The following LTBP3 variants were observed in gnomAD, a reference collection of about 807,000 sequenced individuals.
LTBP3 encodes latent-transforming growth factor beta-binding protein 3.
LTBP3 carries 97 observed loss-of-function variants against 159.7 expected under a neutral mutation model. That is an observed-to-expected ratio of 0.61 (90% CI 0.52 to 0.72). The LOEUF is 0.72. LTBP3 is among the 30% of genes least tolerant of loss of function. LTBP3 has a pLI of 0.00. For missense variants in LTBP3, 1,584 were observed against 1,864.3 expected (o/e 0.85, Z 2.77); for synonymous variants, 824 against 777.1 (o/e 1.06, Z -1.00).
chr11:65,546,515 C>T lies in LTBP3; in HGVS notation c.2280G>A (p.Glu760=). 2 of 1,600,954 alleles carry T rather than the reference C, an allele frequency of 1.2e-6. No individual in the cohort carries two copies. Among genetic ancestry groups the T allele is most frequent in the Non-Finnish European group, 1.7e-6 (2 of 1,179,294 alleles). Residue 760 remains glutamate, a synonymous_variant, in exon 16 of 28, where the codon GAG becomes GAA. Transcript: ENST00000301873. This position sits in a 1 kb window ranked among gnomAD's most constrained non-coding sequence, Gnocchi z 4.0. ...TGCAGCGGAAGGAGCCCGGGAGGTT[C>T]TCGCACCAGCCAGGCGAGCAGGGGC... is the stretch of plus-strand genomic sequence containing the variant. The part of the protein sequence containing the change: ...EGSPCSPGWC[E]NLPGSFRCTC...
chr11:65,553,857 G>T lies in LTBP3; in HGVS notation c.708C>A (p.Pro236=), dbSNP rs373043487. Residue 236 remains proline, a synonymous_variant, in exon 3 of 28, where the codon CCC becomes CCA. Transcript: ENST00000301873. The surrounding 1 kb of genome is among the most constrained non-coding windows in gnomAD (Gnocchi z 6.5). The part of the protein sequence containing the change: ...PVVNVRVHHP[P]EASVQVHRIE... ...TGCGGTGCACCTGGACTGAGGCCTC[G>T]GGCGGGTGATGGACGCGCACATTCA... is the stretch of plus-strand genomic sequence containing the variant. 6.1e-4 allele frequency: 953 copies of T among 1,560,010 alleles called. 3 individuals are homozygous for T. Among genetic ancestry groups the T allele is most frequent in the Non-Finnish European group, 6.3e-4 (731 of 1,159,892 alleles).
Position 65,539,726 on chromosome 11 carries a change from C to G in LTBP3, c.3541G>C (p.Gly1181Arg). ...TCCTCCCCGACTGCCTTACCCGCGC[C>G]GCGCGGCGGGCACGGTCGGCATTGG... ...GAQCRPCPPRGAGSHCPTSQS... is the reference protein window; with the variant it reads ...GAQCRPCPPRRAGSHCPTSQS... The change falls in exon 25 of 28, where the codon GGC becomes CGC. Residue 1181 changes from glycine (G) to arginine (R), a missense_variant. Physicochemically the swap from Gly to Arg is moderately radical, Grantham distance 125 (BLOSUM62 -2). Around this residue, in one of 6 missense-constraint regions of LTBP3, gnomAD observed 514 missense variants for 530.3 expected, o/e 0.97. Coordinates refer to ENST00000301873, the MANE Select transcript of LTBP3 (RefSeq NM_001130144.3). 1 of 1,549,368 alleles carries G rather than the reference C, an allele frequency of 6.5e-7. No individual in the cohort carries two copies. The highest frequency in any genetic ancestry group is 8.7e-7 in the Non-Finnish European group (1 of 1,154,210).
chr11:65,542,901 GA>G (rs766405571), intron 18 of LTBP3: 5 of 701,978 alleles, frequency 7.1e-6, no homozygotes, highest in African/African-American at 3.5e-5. Flanking sequence ...TGGGTGAGTG[GA>G]AGGATGAATG....
intron 18 of LTBP3, 199 bp from the exon 19 acceptor site, chr11:65,541,927 C>T: frequency 1.6e-6 from 1 of 612,480 alleles, no homozygotes; most frequent in Admixed American, 2.4e-5. Context: ...CCTTCAGTGG[C>T]TCCCACTAAC....
chr11:65,550,929 A>C (rs1289788517), intron 11 of LTBP3, among the ~76,000 whole-genome samples, 197 bp downstream of exon 11: 1 of 152,276 alleles, frequency 6.6e-6, no homozygotes, highest in Non-Finnish European at 1.5e-5. Flanking sequence ...GAAATCCCTC[A>C]GAATGGGCTA....
In LTBP3 at chr11:65,543,517, C is replaced by T; in HGVS notation, c.2386G>A (p.Asp796Asn). The T allele has an allele frequency of 6.2e-7, 1 of 1,614,102 alleles. No individual in the cohort carries two copies. Residue 796 changes from aspartate to asparagine, a missense_variant, in exon 17 of 28, where the codon GAC becomes AAC. Asp to Asn is a conservative substitution (Grantham distance 23, BLOSUM62 1). Around this residue, in one of 6 missense-constraint regions of LTBP3, gnomAD observed 565 missense variants for 677.7 expected, o/e 0.83. Transcript: ENST00000301873. ...GGCGTGTTGCTGCAGATGCCATTGT[C>T]ACACACGTCCCCAGCCTCACACTCG... ...VDECEAGDVCDNGICSNTPGS... is the reference protein window; with the variant it reads ...VDECEAGDVCNNGICSNTPGS...
In LTBP3 at chr11:65,553,269, G is replaced by C. The variant is rs1300422523; in HGVS notation, c.971-13C>G. The C allele has an allele frequency of 1.2e-5, 19 of 1,610,108 alleles. No individual in the cohort carries two copies. The highest frequency in any genetic ancestry group is 1.6e-4 in the Middle Eastern group (1 of 6,084). ...TGCACTCCTGTGTCTGCAGAGAGAG[G>C]ATAGCTTGGCAGGGGAGGGTGAGGA... On this transcript the variant is annotated splice_polypyrimidine_tract_variant and intron_variant, in intron 4 of 27. Transcript: ENST00000301873. The surrounding 1 kb of genome is among the most constrained non-coding windows in gnomAD (Gnocchi z 6.5).
In LTBP3 at chr11:65,546,735, C is replaced by CCCG; in HGVS notation, c.2230+62_2230+63insCGG. 1 of 1,544,778 alleles carries CCCG rather than the reference C, an allele frequency of 6.5e-7. No homozygotes were observed. The highest frequency in any genetic ancestry group is 8.7e-7 in the Non-Finnish European group (1 of 1,145,248). The stretch of plus-strand genomic sequence containing the variant: ...CACCGCTACCCCGCCCCGCCCCCAG[C>CCCG]GGAGCCAGACTGGGGGAGGCACCTG... On this transcript the variant is annotated intron_variant, in intron 15 of 27. Coordinates refer to ENST00000301873, the MANE Select transcript of LTBP3 (RefSeq NM_001130144.3). The surrounding 1 kb of genome is among the most constrained non-coding windows in gnomAD (Gnocchi z 4.0).
chr11:65,557,015 G>C (rs1034008294), intron 1 of LTBP3, among the ~76,000 whole-genome samples: 2 of 152,034 alleles, frequency 1.3e-5, no homozygotes, highest in African/African-American at 4.8e-5. Flanking sequence ...AGGATGTTAG[G>C]AGCTTATGGG....
intron 10 of LTBP3, 61 bp from the exon 11 acceptor site, chr11:65,551,285 C>T: frequency 6.5e-7 from 1 of 1,529,162 alleles, no homozygotes; most frequent in South Asian, 1.2e-5. Context: ...CTTTCCACTT[C>T]AGTCTTGGCC....
chr11:65,547,530 G>T lies in LTBP3; in HGVS notation c.2016C>A (p.Asp672Glu), dbSNP rs1432255503. 6.2e-7 allele frequency: 1 copy of T among 1,614,070 alleles called. No individual in the cohort carries two copies. Among genetic ancestry groups the T allele is most frequent in the East Asian group, 2.2e-5 (1 of 44,868 alleles). ...CGGGAAAGTTGATGCAGAAGCCGCC[G>T]TCGCCGCACAGGTGGGGCTTGGCGC... is the stretch of plus-strand genomic sequence containing the variant. ...NECAKPHLCG[D>E]GGFCINFPGH... is the part of the protein sequence containing the mutation. The change falls in exon 14 of 28, where the codon GAC becomes GAA. Residue 672 changes from aspartate (D) to glutamate (E), a missense_variant. By Grantham distance (45) the Asp-to-Glu change is conservative. This residue lies in a region of LTBP3 where 565 missense variants were observed against 677.7 expected (regional missense o/e 0.83). Coordinates refer to ENST00000301873, the MANE Select transcript of LTBP3 (RefSeq NM_001130144.3). The surrounding 1 kb of genome is among the most constrained non-coding windows in gnomAD (Gnocchi z 4.6).
In LTBP3 at chr11:65,546,053, C is replaced by T. The variant is rs1045900836; in HGVS notation, c.2353+389G>A. The T allele has an allele frequency of 1.2e-5, 3 of 241,828 alleles. No homozygotes were observed. The highest frequency in any genetic ancestry group is 2.4e-5 in the Non-Finnish European group (3 of 122,828). 15.0% of individuals were successfully genotyped at this position (241,828 alleles called of 1,614,324 possible). ...GTGTCTCCAGGAAGCAGCCCAGCTCCATCCAGGCCCAGCACTGCATGCTAC... is the reference window on the plus strand; with the variant it reads ...GTGTCTCCAGGAAGCAGCCCAGCTCTATCCAGGCCCAGCACTGCATGCTAC... On this transcript the variant is annotated intron_variant, in intron 16 of 27. Coordinates refer to ENST00000301873, the MANE Select transcript of LTBP3 (RefSeq NM_001130144.3). The surrounding 1 kb of genome is among the most constrained non-coding windows in gnomAD (Gnocchi z 4.0).
In LTBP3 at chr11:65,539,213, T is replaced by G. The variant is rs1296164953; in HGVS notation, c.3779A>C (p.Glu1260Ala). ...GCACAGCAGCCCGCGCTGGTTCAGC[T>G]CTCGGCACTCGTCGATATCTGAAGG... ...ARCVDIDECR[E>A]LNQRGLLCKS... Residue 1260 changes from glutamate to alanine, a missense_variant, in exon 28 of 28, where the codon GAG (glutamate) becomes GCG (alanine). Glu to Ala is a moderately radical substitution (Grantham distance 107, BLOSUM62 -1). Around this residue, in one of 6 missense-constraint regions of LTBP3, gnomAD observed 514 missense variants for 530.3 expected, o/e 0.97. Transcript: ENST00000301873. 1.3e-6 allele frequency: 2 copies of G among 1,526,702 alleles called. No individual in the cohort carries two copies. The highest frequency in any genetic ancestry group is 1.8e-6 in the Non-Finnish European group (2 of 1,133,238). 94.6% of individuals were successfully genotyped at this position (1,526,702 alleles called of 1,614,324 possible). A position where few individuals can be genotyped will look rare whatever the true frequency, so the allele number is the denominator to read the frequency against.
At chr11:65,539,903 A>G (rs1164214012) in intron 24 of LTBP3, 22 bp from the exon 25 acceptor site, 8 of 1,503,432 alleles carry the variant, frequency 5.3e-6, no homozygotes, top group Non-Finnish European at 7.1e-6. Context: ...ACCTGGCATC[A>G]GGGGAGGGGC....
chr11:65,540,173 G>T lies in LTBP3; in HGVS notation c.3245-20C>A, dbSNP rs1490201410. The T allele has an allele frequency of 6.5e-7, 1 of 1,537,576 alleles. No homozygotes were observed. The highest frequency in any genetic ancestry group is 8.7e-7 in the Non-Finnish European group (1 of 1,143,914). ...CCACGTCTACGAACAGCGAGGGGGT[G>T]GGTGGGGGCCGTCACAGCTCGGCCC... is the stretch of plus-strand genomic sequence containing the variant. On this transcript the variant is annotated intron_variant, in intron 23 of 27. Transcript: ENST00000301873.
intron 16 of LTBP3, chr11:65,544,563 A>C (rs1435108732): frequency 6.6e-6 from 1 of 152,570 alleles, no homozygotes; most frequent in African/African-American, 2.4e-5. Context: ...TCAGTCCAAC[A>C]GAGCCTCGTG....
chr11:65,546,830 C>G lies in LTBP3; in HGVS notation c.2198G>C (p.Gly733Ala). 1 of 1,609,160 alleles carries G rather than the reference C, an allele frequency of 6.2e-7. No homozygotes were observed. Among genetic ancestry groups the G allele is most frequent in the Non-Finnish European group, 8.5e-7 (1 of 1,179,792 alleles). ...GGCCCCGCCCCCCTGGCTGCGGTAG[C>G]CAGGCTGACAGGCGATGCACTTGAA... ...GSFKCIACQPGYRSQGGGACR... is the reference protein window; with the variant it reads ...GSFKCIACQPAYRSQGGGACR... Residue 733 changes from glycine (G) to alanine (A), a missense_variant, in exon 15 of 28, where the codon GGC becomes GCC. This residue lies in a region of LTBP3 where 565 missense variants were observed against 677.7 expected (regional missense o/e 0.83). Coordinates refer to ENST00000301873, the MANE Select transcript of LTBP3 (RefSeq NM_001130144.3). The surrounding 1 kb of genome is among the most constrained non-coding windows in gnomAD (Gnocchi z 4.0).
At chr11:65,541,342 C>T in intron 19 of LTBP3, 49 bp from the exon 20 acceptor site, 1 of 1,594,140 alleles carries the variant, frequency 6.3e-7, no homozygotes, top group Non-Finnish European at 8.5e-7. Flanking sequence ...CCCCTTGGCC[C>T]TGTCCACCCT....
Position 65,543,565 on chromosome 11 carries a change from G to T in LTBP3, c.2354-16C>A. The T allele has an allele frequency of 6.2e-7, 1 of 1,613,932 alleles. No homozygotes were observed. Among genetic ancestry groups the T allele is most frequent in the Non-Finnish European group, 8.5e-7 (1 of 1,179,940 alleles). On this transcript the variant is annotated splice_polypyrimidine_tract_variant and intron_variant, in intron 16 of 27. Transcript: ENST00000301873. ...TCGTCCACATCTGCAGGGCATAGGG[G>T]GTGTCAGAGGACCAGGCTGGGTGGT...
Sources: gnomAD v4.1 joint callset for allele counts (sites outside exome capture counted in the v4.1 genomes callset) on GRCh38, gnomAD v4.1.1 for gene constraint, gnomAD v4.1.1 regional missense constraint, Gnocchi (gnomAD v3.1) non-coding constraint, MANE v1.5 for transcripts, NCBI Gene and HGNC (gene_info 2026-07-23, HGNC 2026-07-21) for gene names.